TANGO2: variants seen among roughly 807,000 people sequenced by gnomAD.
TANGO2 encodes transport and golgi organization 2 homolog.
A neutral mutation model predicts 39.1 loss-of-function variants in TANGO2; 26 were observed. The observed-to-expected ratio is 0.67, with a 90% CI of 0.49 to 0.92. The LOEUF (loss-of-function observed/expected upper bound fraction) is 0.92. Ranked by LOEUF, TANGO2 falls within the 40% of genes least tolerant of loss-of-function variation. The probability of loss-of-function intolerance (pLI) is 0.00; values close to 1 mark genes in which losing one functional copy is unlikely to be tolerated. For missense variants in TANGO2, 326 were observed against 360.1 expected, an observed-to-expected ratio of 0.91 and a Z score of 0.77; for synonymous variants, 131 against 144.5, an observed-to-expected ratio of 0.91 and a Z score of 0.67.
intron 1 of TANGO2, among the ~76,000 whole-genome samples, chr22:20,033,769 C>T (rs536499825): frequency 1.3e-5 from 2 of 152,260 alleles, no homozygotes; most frequent in African/African-American, 2.4e-5. Context: ...CTTGGGTGCA[C>T]TCCCAAAGCC....
intron 2 of TANGO2, among the ~76,000 whole-genome samples, chr22:20,037,642 G>T (rs2043099772): frequency 6.6e-6 from 1 of 151,068 alleles, no homozygotes; most frequent in African/African-American, 2.5e-5. Flanking sequence ...CAGGAAGGAA[G>T]GGTGTCTGGT....
At chr22:20,048,470 A>T (rs1052020458) in intron 3 of TANGO2, 1 of 152,036 alleles carries the variant, frequency 6.6e-6, no homozygotes, top group Non-Finnish European at 1.5e-5. Context: ...AGTTTTATTT[A>T]TTTATTTATT....
At chr22:20,037,109 T>C (rs564111332) in intron 2 of TANGO2, 1 of 1,515,116 alleles carries the variant, frequency 6.6e-7, no homozygotes, top group Admixed American at 2.2e-5. Flanking sequence ...GACAGAGGAG[T>C]GACATGGGTC....
In TANGO2 at chr22:20,064,771, C is replaced by A; in HGVS notation, c.*109C>A. The A allele has an allele frequency of 7.2e-7, 1 of 1,386,278 alleles. No homozygotes were observed. Among genetic ancestry groups the A allele is most frequent in the Non-Finnish European group, 9.8e-7 (1 of 1,022,752 alleles). 85.9% of individuals were successfully genotyped at this position (1,386,278 alleles called of 1,614,324 possible). On this transcript the variant is annotated 3_prime_UTR_variant, in exon 9 of 9. Coordinates refer to ENST00000327374, the MANE Select transcript of TANGO2 (RefSeq NM_152906.7). ...CTGCATTGCACTGCCCGTGGCTTGG[C>A]CAGCATCCCCCGGATCAGGGCCCTG...
At chr22:20,028,301 G>A (rs2041179598) in intron 1 of TANGO2, among the ~76,000 whole-genome samples, 1 of 152,170 alleles carries the variant, frequency 6.6e-6, no homozygotes. Context: ...GCTTTTTGTA[G>A]ACAGGGACTT....
intron 7 of TANGO2, 194 bp downstream of exon 7, chr22:20,061,877 T>G: frequency 1.4e-6 from 1 of 720,976 alleles, no homozygotes; most frequent in South Asian, 2.2e-5. Flanking sequence ...CAGGGACTTT[T>G]GATGACAGAA....
chr22:20,037,555 T>G (rs2043082302), intron 2 of TANGO2, among the ~76,000 whole-genome samples: 1 of 152,168 alleles, frequency 6.6e-6, no homozygotes, highest in Non-Finnish European at 1.5e-5. Flanking sequence ...GGTCTCAGAT[T>G]TGAGTCACTG....
chr22:20,048,249 C>T (rs1252562945), intron 3 of TANGO2: 3 of 152,152 alleles, frequency 2.0e-5, no homozygotes, highest in South Asian at 4.1e-4. Context: ...TTATAAGGGG[C>T]TTTTCCTGCT....
At chr22:20,052,888 C>A (rs1602243005) in intron 4 of TANGO2, among the ~76,000 whole-genome samples, 2 of 152,140 alleles carry the variant, frequency 1.3e-5, no homozygotes, top group Non-Finnish European at 2.9e-5. Context: ...GTGGGCATAT[C>A]ACTGCCGCCA....
In TANGO2 at chr22:20,056,047, G is replaced by A. The variant is rs147934564; in HGVS notation, c.451+34G>A. The stretch of plus-strand genomic sequence containing the variant: ...GCCCTGGCAGCCTGATGGGGTGGGG[G>A]ACTGTTTCTATGCAGAGGTCACCCT... On this transcript the variant is annotated intron_variant, in intron 6 of 8. Coordinates refer to ENST00000327374, the MANE Select transcript of TANGO2 (RefSeq NM_152906.7). The A allele has an allele frequency of 6.1e-4, 961 of 1,570,164 alleles. 5 individuals are homozygous for A. In the African/African-American group the frequency reaches 0.012, roughly 19 times the overall value.
At chr22:20,026,434 A>G (rs1424237908) in intron 1 of TANGO2, among the ~76,000 whole-genome samples, 1 of 151,952 alleles carries the variant, frequency 6.6e-6, no homozygotes, top group African/African-American at 2.4e-5. Flanking sequence ...CTGTGCAACC[A>G]TACAAGGTAG....
At chr22:20,062,496 C>T (rs74276823) in intron 7 of TANGO2, among the ~76,000 whole-genome samples, 18,120 of 152,282 alleles carry the variant, frequency 0.12, 1,336 homozygotes, top group South Asian at 0.18. Flanking sequence ...CTCTGATAGG[C>T]GGCCTCGTCC....
intron 1 of TANGO2, among the ~76,000 whole-genome samples, chr22:20,033,618 C>T (rs1474155093): frequency 6.6e-6 from 1 of 152,200 alleles, no homozygotes; most frequent in African/African-American, 2.4e-5. Context: ...AGTGGGATTC[C>T]AGTAGAGACC....
intron 7 of TANGO2, among the ~76,000 whole-genome samples, chr22:20,062,828 G>A (rs902282035): frequency 3.9e-5 from 6 of 152,340 alleles, no homozygotes; most frequent in East Asian, 1.9e-4. Context: ...GAGCAGAAAC[G>A]TGGAGGAAAC....
At chr22:20,032,954 T>G (rs1156282033) in intron 1 of TANGO2, among the ~76,000 whole-genome samples, 2 of 152,140 alleles carry the variant, frequency 1.3e-5, no homozygotes, top group Non-Finnish European at 2.9e-5. Flanking sequence ...GTTGGAATGC[T>G]GTGGTGGGCC....
chr22:20,049,670 A>AG (rs1023416247), intron 3 of TANGO2, among the ~76,000 whole-genome samples: 13 of 151,972 alleles, frequency 8.6e-5, no homozygotes, highest in African/African-American at 3.1e-4. Context: ...CAAAAAAAAA[A>AG]AAAAAAAGAA....
At chr22:20,056,782 C>T (rs1260513495) in intron 6 of TANGO2, 2 of 456,554 alleles carry the variant, frequency 4.4e-6, no homozygotes, top group Admixed American at 2.3e-5. Flanking sequence ...ACTGTAGGGA[C>T]CATAGCCTAG....
Position 20,056,464 on chromosome 22 carries a change from C to A in TANGO2, c.451+451C>A. On this transcript the variant is annotated intron_variant, in intron 6 of 8. Coordinates refer to ENST00000327374, the MANE Select transcript of TANGO2 (RefSeq NM_152906.7). ...TCCTGCACCCAGTCCCCAGTCTGAT[C>A]CCCGGTCCCCATCCTCAGGGCCTCG... 8.7e-6 allele frequency: 4 copies of A among 459,200 alleles called. 1 individual carries two copies. Among genetic ancestry groups the A allele is most frequent in the South Asian group, 6.2e-5 (4 of 64,580 alleles). The allele number at this position is 459,200 out of a possible 1,614,324, so 28.4% of individuals were successfully genotyped here. A position where few individuals can be genotyped will look rare whatever the true frequency, so the allele number is the denominator to read the frequency against.
chr22:20,035,552 C>A (rs2042683150), intron 1 of TANGO2, among the ~76,000 whole-genome samples: 1 of 152,212 alleles, frequency 6.6e-6, no homozygotes, highest in South Asian at 2.1e-4. Flanking sequence ...CTGCTCTGGG[C>A]CCCAGAGGTC....
Sources: gnomAD v4.1 joint callset for allele counts (sites outside exome capture counted in the v4.1 genomes callset) on GRCh38, gnomAD v4.1.1 for gene constraint, MANE v1.5 for transcripts, NCBI Gene and HGNC (gene_info 2026-07-23, HGNC 2026-07-21) for gene names.